ADARB2: variants seen among roughly 807,000 people sequenced by gnomAD.
ADARB2 encodes inactive double-stranded RNA-specific editase B2.
In ADARB2, 25 loss-of-function variants were observed where a neutral mutation model predicts 62.2. The ratio of observed to expected loss-of-function variants is 0.40; its 90% CI spans 0.29 to 0.56. The LOEUF (loss-of-function observed/expected upper bound fraction) is 0.56. Ranked by LOEUF, ADARB2 falls within the 20% of genes least tolerant of loss-of-function variation. The pLI, the probability that ADARB2 is intolerant of heterozygous loss-of-function variation, is 0.43. For synonymous variants in ADARB2, 572 were observed against 500.8 expected (o/e 1.14, Z -1.90); for missense variants, 1,071 against 1,077.4 (o/e 0.99, Z 0.08).
intron 1 of ADARB2, among the ~76,000 whole-genome samples, chr10:1,581,145 C>A (rs559442054): frequency 6.6e-6 from 1 of 152,232 alleles, no homozygotes; most frequent in Non-Finnish European, 1.5e-5. Flanking sequence ...CGCCAATACA[C>A]TGACTAGAAG....
intron 1 of ADARB2, among the ~76,000 whole-genome samples, chr10:1,524,108 G>T: frequency 6.7e-6 from 1 of 148,872 alleles, no homozygotes; most frequent in Non-Finnish European, 1.5e-5. Flanking sequence ...ATAGATTAGA[G>T]AGAGAGAGAA....
intron 7 of ADARB2, among the ~76,000 whole-genome samples, chr10:1,203,521 T>G (rs4002637): frequency 0.92 from 139,461 of 152,258 alleles, 65,118 homozygotes; most frequent in East Asian, 1. Context: ...CTGCCACCCG[T>G]CCCGGCGTCT....
chr10:1,732,300 A>C (rs1420007726), intron 1 of ADARB2, among the ~76,000 whole-genome samples: 1 of 128,608 alleles, frequency 7.8e-6, no homozygotes, highest in South Asian at 2.7e-4. Context: ...GGCATAAGTT[A>C]TCTTTTCATG....
At chr10:1,525,712 G>A (rs1832131550) in intron 1 of ADARB2, among the ~76,000 whole-genome samples, 1 of 152,196 alleles carries the variant, frequency 6.6e-6, no homozygotes, top group African/African-American at 2.4e-5. Context: ...CGAGGCAGCT[G>A]GCCTGAACAT....
chr10:1,512,838 T>C (rs2676775), intron 1 of ADARB2, among the ~76,000 whole-genome samples: 1,916 of 152,308 alleles, frequency 0.013, 55 homozygotes, highest in African/African-American at 0.042. Flanking sequence ...GGGACACATC[T>C]GGAGTCTGTG....
intron 1 of ADARB2, among the ~76,000 whole-genome samples, chr10:1,656,584 C>T (rs1377050517): frequency 6.6e-6 from 1 of 151,836 alleles, no homozygotes; most frequent in Non-Finnish European, 1.5e-5. Flanking sequence ...TCCTCTAGTG[C>T]GTGGTCTTGT....
chr10:1,545,440 A>T lies in ADARB2; in HGVS notation c.101-166280T>A, dbSNP rs374116150. ...GGATATAAGATAAAGGAAAACAAGTAGAACAGAAATGAGAATGGATTTCCT... is the reference window on the plus strand; with the variant it reads ...GGATATAAGATAAAGGAAAACAAGTTGAACAGAAATGAGAATGGATTTCCT... On this transcript the variant is annotated intron_variant, in intron 1 of 9. Coordinates refer to ENST00000381312, the MANE Select transcript of ADARB2 (RefSeq NM_018702.4). 5.3e-5 allele frequency among the ~76,000 whole-genome samples: 8 copies of T among 152,372 alleles called. No homozygotes were observed. In the East Asian group the frequency reaches 7.7e-4, roughly 15 times the overall value.
intron 1 of ADARB2, among the ~76,000 whole-genome samples, chr10:1,487,346 T>C (rs1831556694): frequency 6.6e-6 from 1 of 152,052 alleles, no homozygotes. Flanking sequence ...AAATAAACAT[T>C]CTCCACACAC....
At chr10:1,727,106 A>G (rs187935274) in intron 1 of ADARB2, among the ~76,000 whole-genome samples, 1 of 152,238 alleles carries the variant, frequency 6.6e-6, no homozygotes, top group African/African-American at 2.4e-5. Flanking sequence ...AATAAACCCG[A>G]CAGGGCGCTT....
chr10:1,254,193 T>C (rs113254209), intron 4 of ADARB2, among the ~76,000 whole-genome samples: 3 of 144,986 alleles, frequency 2.1e-5, no homozygotes, highest in African/African-American at 8.5e-5. Flanking sequence ...GTGGTTAGGA[T>C]GTGGTGGGCT....
At chr10:1,635,398 C>T (rs151332573) in intron 1 of ADARB2, among the ~76,000 whole-genome samples, 1 of 152,322 alleles carries the variant, frequency 6.6e-6, no homozygotes, top group East Asian at 1.9e-4. Context: ...TCTGCAAGAT[C>T]TTCATCTAAG....
chr10:1,425,355 C>T (rs1039260790), intron 1 of ADARB2, among the ~76,000 whole-genome samples: 25 of 152,194 alleles, frequency 1.6e-4, no homozygotes, highest in African/African-American at 5.8e-4. Flanking sequence ...TTCCCTGAAT[C>T]CATTTTAATC....
chr10:1,262,804 T>G (rs1443404014), intron 4 of ADARB2, among the ~76,000 whole-genome samples: 1 of 152,158 alleles, frequency 6.6e-6, no homozygotes, highest in Non-Finnish European at 1.5e-5. Flanking sequence ...GGATTATAAA[T>G]CATGCTGCTG....
intron 3 of ADARB2, among the ~76,000 whole-genome samples, chr10:1,320,759 C>T (rs1831787649): frequency 6.6e-6 from 1 of 152,096 alleles, no homozygotes; most frequent in Admixed American, 6.5e-5. Context: ...AAATAAGAGA[C>T]AGATGATAAA....
chr10:1,330,380 A>G (rs1159786371), intron 3 of ADARB2, among the ~76,000 whole-genome samples: 3 of 152,230 alleles, frequency 2.0e-5, no homozygotes, highest in African/African-American at 7.2e-5. Flanking sequence ...TTTATAGAGG[A>G]TCTATAAATC....
chr10:1,289,059 A>G (rs1831440099), intron 3 of ADARB2, among the ~76,000 whole-genome samples: 1 of 152,152 alleles, frequency 6.6e-6, no homozygotes, highest in African/African-American at 2.4e-5. Context: ...CAAAGACCTG[A>G]GTCCGATGAG....
At chr10:1,342,355 C>A (rs1010389295) in intron 3 of ADARB2, among the ~76,000 whole-genome samples, 5 of 152,222 alleles carry the variant, frequency 3.3e-5, no homozygotes, top group African/African-American at 1.2e-4. Flanking sequence ...AGGGCCTTGA[C>A]TCTGAGGCCT....
At chr10:1,715,252 T>G (rs1003169663) in intron 1 of ADARB2, among the ~76,000 whole-genome samples, 2 of 152,148 alleles carry the variant, frequency 1.3e-5, no homozygotes, top group Non-Finnish European at 2.9e-5. Context: ...TCAGTTGCAA[T>G]AGTCTTATTA....
chr10:1,369,481 G>C (rs888519332), intron 2 of ADARB2, among the ~76,000 whole-genome samples: 2 of 152,096 alleles, frequency 1.3e-5, no homozygotes, highest in Non-Finnish European at 2.9e-5. Context: ...CTCTTTCTCT[G>C]TGCGCCCCAA....
Sources: allele counts gnomAD v4.1 joint callset (sites outside exome capture counted in the v4.1 genomes callset), GRCh38; gene constraint gnomAD v4.1.1; transcripts MANE v1.5; gene names NCBI Gene and HGNC (gene_info 2026-07-23, HGNC 2026-07-21).